The following TAFA2 variants were observed in gnomAD, a reference collection of about 807,000 sequenced individuals.
TAFA2 encodes chemokine-like protein TAFA-2.
In TAFA2, 7 loss-of-function variants were observed where a neutral mutation model predicts 18.8. The observed-to-expected ratio is 0.37, with a 90% CI of 0.21 to 0.70. The LOEUF (loss-of-function observed/expected upper bound fraction) is 0.70, where lower values mean the gene tolerates loss of function less well. Ranked by LOEUF, TAFA2 falls within the 30% of genes least tolerant of loss-of-function variation. The pLI, the probability that TAFA2 is intolerant of heterozygous loss-of-function variation, is 0.53. For missense variants in TAFA2, 122 were observed against 158.1 expected (o/e 0.77, Z 1.23); for synonymous variants, 60 against 54.2 (o/e 1.11, Z -0.47).
intron 1 of TAFA2, among the ~76,000 whole-genome samples, chr12:62,187,170 C>A (rs2062591691): frequency 6.6e-6 from 1 of 152,070 alleles, no homozygotes; most frequent in South Asian, 2.1e-4. Context: ...TGTCAAAATT[C>A]CCAGTTGTAG....
At chr12:62,086,229 G>T (rs570861454) in intron 1 of TAFA2, among the ~76,000 whole-genome samples, 1 of 151,736 alleles carries the variant, frequency 6.6e-6, no homozygotes, top group South Asian at 2.1e-4. Context: ...TCATGACATT[G>T]GATTTAGCAA....
At chr12:62,054,130 G>A (rs1013260200) in intron 1 of TAFA2, among the ~76,000 whole-genome samples, 7 of 152,176 alleles carry the variant, frequency 4.6e-5, no homozygotes, top group Admixed American at 4.6e-4. Flanking sequence ...GGATGCTGTT[G>A]CAGGCAGGAT....
intron 2 of TAFA2, among the ~76,000 whole-genome samples, chr12:61,859,981 A>G (rs1209123706): frequency 1.3e-5 from 2 of 152,252 alleles, no homozygotes; most frequent in East Asian, 3.8e-4. Flanking sequence ...AGGTTATGAA[A>G]GCATAACTCT....
intron 1 of TAFA2, among the ~76,000 whole-genome samples, chr12:61,933,890 T>C (rs964540714): frequency 1.3e-5 from 2 of 152,220 alleles, no homozygotes; most frequent in Non-Finnish European, 2.9e-5. Flanking sequence ...AACAGAAAAG[T>C]ATCCCTGTTA....
In TAFA2 at chr12:61,736,272, T is replaced by C. The variant is rs1376752314; in HGVS notation, c.384+17350A>G. The stretch of plus-strand genomic sequence containing the variant: ...TTCCTAAATTCTGGACAAGTAACTC[T>C]TCACTTTCTTGTTGGCTTTCCAATG... On this transcript the variant is annotated intron_variant, in intron 4 of 4. Transcript: ENST00000416284. Among the ~76,000 whole-genome samples the C allele has an allele frequency of 3.9e-5, 6 of 152,168 alleles. No homozygotes were observed. In the East Asian group the frequency reaches 7.8e-4, roughly 20 times the overall value.
intron 1 of TAFA2, among the ~76,000 whole-genome samples, chr12:61,898,769 A>G (rs1181304838): frequency 6.6e-6 from 1 of 152,202 alleles, no homozygotes; most frequent in Non-Finnish European, 1.5e-5. Flanking sequence ...CATTGACTTG[A>G]TGATTAACAT....
chr12:62,059,800 T>C (rs986803817), intron 1 of TAFA2, among the ~76,000 whole-genome samples: 1 of 152,218 alleles, frequency 6.6e-6, no homozygotes, highest in African/African-American at 2.4e-5. Context: ...CCAATTTTTA[T>C]TTTTCATTTA....
chr12:62,235,650 T>C lies in TAFA2; in HGVS notation c.-130+23113A>G, dbSNP rs549423069. The C allele has an allele frequency of 3.7e-4, 78 of 212,238 alleles. 1 individual carries two copies. In the South Asian group the frequency reaches 7.4e-3, roughly 20 times the overall value. 13.1% of individuals were successfully genotyped at this position (212,238 alleles called of 1,614,324 possible). ...TTCCTTTATTCCTTTGTTACTGTCTTCCTCAGTGGTTAAATGAGTTTCTCA... is the reference window on the plus strand; with the variant it reads ...TTCCTTTATTCCTTTGTTACTGTCTCCCTCAGTGGTTAAATGAGTTTCTCA... On this transcript the variant is annotated intron_variant, in intron 1 of 5. Coordinates refer to the TAFA2 transcript ENST00000551619.
upstream of TAFA2, among the ~76,000 whole-genome samples, chr12:62,194,301 T>TCACACACACACA (rs60670024): frequency 1.0e-4 from 15 of 145,918 alleles, no homozygotes; most frequent in East Asian, 1.2e-3. Flanking sequence ...GGCTTTCTTT[T>TCACACACACACA]CACACACACA....
chr12:62,027,556 C>T (rs1881341490), intron 1 of TAFA2, among the ~76,000 whole-genome samples: 1 of 150,340 alleles, frequency 6.7e-6, no homozygotes, highest in Admixed American at 6.6e-5. Context: ...ATTGGAATCC[C>T]AAAAGTCTAA....
intron 2 of TAFA2, among the ~76,000 whole-genome samples, chr12:61,844,721 C>T (rs1000264293): frequency 9.2e-5 from 14 of 152,054 alleles, no homozygotes; most frequent in Non-Finnish European, 2.9e-5. Flanking sequence ...GGCTAAGATG[C>T]GTGGCTCATG....
At chr12:61,787,744 G>C (rs1196471503) in intron 2 of TAFA2, among the ~76,000 whole-genome samples, 3 of 151,402 alleles carry the variant, frequency 2.0e-5, no homozygotes, top group Non-Finnish European at 3.0e-5. Flanking sequence ...TACCATAACA[G>C]AAAATCACCA....
chr12:61,724,646 C>T (rs1870056080), intron 4 of TAFA2, among the ~76,000 whole-genome samples: 1 of 151,958 alleles, frequency 6.6e-6, no homozygotes, highest in African/African-American at 2.4e-5. Context: ...GTTTGGTTTT[C>T]CATTCCTGAG....
chr12:61,716,044 T>C (rs923843829), intron 4 of TAFA2, among the ~76,000 whole-genome samples: 1 of 152,220 alleles, frequency 6.6e-6, no homozygotes, highest in Non-Finnish European at 1.5e-5. Context: ...GAAATACTAT[T>C]AGCATCTGCA....
chr12:62,199,854 T>C (rs971863664), intron 1 of TAFA2, among the ~76,000 whole-genome samples: 2 of 152,218 alleles, frequency 1.3e-5, no homozygotes, highest in Non-Finnish European at 2.9e-5. Flanking sequence ...ATGGTTGAAC[T>C]AATTTACATT....
At chr12:61,745,354 A>T (rs1027997834) in intron 4 of TAFA2, among the ~76,000 whole-genome samples, 1 of 151,796 alleles carries the variant, frequency 6.6e-6, no homozygotes, top group Admixed American at 6.6e-5. Flanking sequence ...GCCCTAGTTC[A>T]CTCCACTCCA....
intron 1 of TAFA2, among the ~76,000 whole-genome samples, chr12:62,125,185 A>T (rs76860598): frequency 0.062 from 9,392 of 152,162 alleles, 373 homozygotes; most frequent in Non-Finnish European, 0.084. Flanking sequence ...TTATTTTTTT[A>T]AAAAATTAAT....
At chr12:61,899,557 T>C (rs1197500586) in intron 1 of TAFA2, among the ~76,000 whole-genome samples, 1 of 152,140 alleles carries the variant, frequency 6.6e-6, no homozygotes, top group Non-Finnish European at 1.5e-5. Context: ...TCAGATCTCA[T>C]GAGAATTCAC....
chr12:62,181,992 C>CCCA (rs1052862077), intron 1 of TAFA2, among the ~76,000 whole-genome samples: 20 of 140,968 alleles, frequency 1.4e-4, no homozygotes, highest in African/African-American at 5.0e-4. Flanking sequence ...CAAGTCCATC[C>CCCA]CCCCCCCGCT....
Sources: allele counts gnomAD v4.1 joint callset (sites outside exome capture counted in the v4.1 genomes callset), GRCh38; gene constraint gnomAD v4.1.1; transcripts MANE v1.5; gene names NCBI Gene and HGNC (gene_info 2026-07-23, HGNC 2026-07-21).